PDLIM5: variants seen among roughly 807,000 people sequenced by gnomAD.
PDLIM5 encodes the protein PDZ and LIM domain 5.
A neutral mutation model predicts 64.2 loss-of-function variants in PDLIM5; 34 were observed. The observed-to-expected ratio is 0.53, with a 90% CI of 0.40 to 0.71. The LOEUF (loss-of-function observed/expected upper bound fraction) is 0.71, where lower values mean the gene tolerates loss of function less well. Among genes scored for constraint, PDLIM5 ranks in the 30% least tolerant of loss-of-function variants. The pLI is 0.00. For synonymous variants in PDLIM5, 253 were observed against 269.1 expected, an observed-to-expected ratio of 0.94 and a Z score of 0.59; for missense variants, 683 against 733.6, an observed-to-expected ratio of 0.93 and a Z score of 0.80.
Position 94,523,800 on chromosome 4 carries a change from C to T in PDLIM5, c.173C>T (p.Ala58Val). The change falls in exon 3 of 13, where the codon GCA (alanine) becomes GTA (valine). Residue 58 changes from alanine (A) to valine (V), a missense_variant. Transcript: ENST00000317968. ...DVVLSIDGIN[A>V]QGMTHLEAQN... Reference sequence around the variant, plus strand: ...GTTCTCAGCATTGATGGAATAAATGCACAAGGAATGACTCATCTTGAAGCC... The same window carrying T: ...GTTCTCAGCATTGATGGAATAAATGTACAAGGAATGACTCATCTTGAAGCC... The T allele has an allele frequency of 6.2e-7, 1 of 1,611,420 alleles. No homozygotes were observed. The highest frequency in any genetic ancestry group is 2.2e-5 in the East Asian group (1 of 44,836).
intron 7 of PDLIM5, chr4:94,587,419 G>A (rs746311113): frequency 3.8e-6 from 4 of 1,045,890 alleles, no homozygotes; most frequent in Non-Finnish European, 4.6e-6. Flanking sequence ...GTTGGTTGAA[G>A]CAGAGGATAA....
chr4:94,616,336 C>T (rs886447709), intron 7 of PDLIM5, among the ~76,000 whole-genome samples: 1 of 151,988 alleles, frequency 6.6e-6, no homozygotes, highest in Non-Finnish European at 1.5e-5. Flanking sequence ...ATGTAATTAT[C>T]CTTTTAATAT....
At chr4:94,631,838 C>T (rs571029320) in intron 8 of PDLIM5, among the ~76,000 whole-genome samples, 8 of 152,286 alleles carry the variant, frequency 5.3e-5, no homozygotes, top group South Asian at 4.1e-4. Flanking sequence ...ATTTGCTTTC[C>T]GCCTAAGGAG....
At chr4:94,542,082 T>G (rs1212859149) in intron 3 of PDLIM5, among the ~76,000 whole-genome samples, 1 of 152,002 alleles carries the variant, frequency 6.6e-6, no homozygotes, top group Non-Finnish European at 1.5e-5. Flanking sequence ...AAGGCTGAGG[T>G]GGGCAGATCA....
intron 3 of PDLIM5, among the ~76,000 whole-genome samples, chr4:94,527,169 G>T (rs892302980): frequency 2.9e-5 from 4 of 140,288 alleles, no homozygotes; most frequent in African/African-American, 1.1e-4. Flanking sequence ...CAATTCTCCT[G>T]CCTCAGCCTC....
intron 8 of PDLIM5, among the ~76,000 whole-genome samples, chr4:94,630,589 G>C (rs1293322852): frequency 1.3e-5 from 2 of 152,018 alleles, no homozygotes; most frequent in Non-Finnish European, 1.5e-5. Flanking sequence ...TGTACAGGCT[G>C]GTCTCAAACT....
At chr4:94,481,031 A>G (rs1262857704) in intron 2 of PDLIM5, among the ~76,000 whole-genome samples, 1 of 152,130 alleles carries the variant, frequency 6.6e-6, no homozygotes, top group East Asian at 1.9e-4. Flanking sequence ...TGCTGTGCAT[A>G]TTTCTGCCGG....
intron 9 of PDLIM5, among the ~76,000 whole-genome samples, chr4:94,642,833 A>G (rs147092508): frequency 6.6e-6 from 1 of 152,316 alleles, no homozygotes; most frequent in Non-Finnish European, 1.5e-5. Context: ...TTTAAAAACG[A>G]GCTGTAGTTT....
chr4:94,644,581 A>C (rs1007430430), intron 9 of PDLIM5, among the ~76,000 whole-genome samples: 6 of 150,262 alleles, frequency 4.0e-5, no homozygotes, highest in Non-Finnish European at 7.4e-5. Context: ...GCTGGAGTGC[A>C]GTGGTGCGAT....
intron 3 of PDLIM5, among the ~76,000 whole-genome samples, chr4:94,526,695 A>G (rs980778661): frequency 2.0e-5 from 3 of 151,976 alleles, no homozygotes; most frequent in African/African-American, 7.2e-5. Flanking sequence ...CTCTTATATC[A>G]AAGTAAGTAT....
At chr4:94,636,539 C>CTTTT (rs770256162) in intron 8 of PDLIM5, among the ~76,000 whole-genome samples, 2,717 of 133,762 alleles carry the variant, frequency 0.02, 107 homozygotes, top group East Asian at 0.13. Flanking sequence ...AGAGTTCGTA[C>CTTTT]TTTTTTTTTT....
At chr4:94,512,544 T>A (rs1298951105) in intron 2 of PDLIM5, among the ~76,000 whole-genome samples, 2 of 152,232 alleles carry the variant, frequency 1.3e-5, no homozygotes, top group Non-Finnish European at 2.9e-5. Context: ...CCTTTTCATA[T>A]GCCTGCTTGC....
intron 8 of PDLIM5, among the ~76,000 whole-genome samples, chr4:94,623,674 C>T (rs1739434454): frequency 6.6e-6 from 1 of 151,998 alleles, no homozygotes; most frequent in African/African-American, 2.4e-5. Flanking sequence ...TAAATGTCCC[C>T]GAGAAAGTGA....
chr4:94,470,153 A>G (rs1724733965), intron 2 of PDLIM5, among the ~76,000 whole-genome samples: 1 of 151,614 alleles, frequency 6.6e-6, no homozygotes. Flanking sequence ...TTTTTAGTAG[A>G]GAGGTTTTCA....
chr4:94,480,766 C>T (rs1725777818), intron 2 of PDLIM5, among the ~76,000 whole-genome samples: 1 of 152,158 alleles, frequency 6.6e-6, no homozygotes, highest in South Asian at 2.1e-4. Context: ...ATATAGTTCT[C>T]TGTCATACAG....
intron 3 of PDLIM5, among the ~76,000 whole-genome samples, chr4:94,532,241 G>T (rs1225175932): frequency 6.6e-6 from 1 of 152,108 alleles, no homozygotes; most frequent in Admixed American, 6.5e-5. Context: ...CATTCCAACA[G>T]TTACTACTGT....
chr4:94,665,461 C>T lies in PDLIM5; in HGVS notation c.*1394C>T. 1.3e-6 allele frequency: 1 copy of T among 783,042 alleles called. No homozygotes were observed. The highest frequency in any genetic ancestry group is 1.5e-6 in the Non-Finnish European group (1 of 670,896). 48.5% of individuals were successfully genotyped at this position (783,042 alleles called of 1,614,324 possible). A position where few individuals can be genotyped will look rare whatever the true frequency, so the allele number is the denominator to read the frequency against. ...ACACCACTGCACTCCAGCCTGGTGACAGAGCAAGACTCCGGCTCTTAAAAA... is the reference window on the plus strand; with the variant it reads ...ACACCACTGCACTCCAGCCTGGTGATAGAGCAAGACTCCGGCTCTTAAAAA... On this transcript the variant is annotated 3_prime_UTR_variant, in exon 13 of 13. Coordinates refer to ENST00000317968, the MANE Select transcript of PDLIM5 (RefSeq NM_006457.5).
chr4:94,476,779 G>A (rs557261490), intron 2 of PDLIM5, among the ~76,000 whole-genome samples: 2 of 152,304 alleles, frequency 1.3e-5, no homozygotes, highest in East Asian at 1.9e-4. Context: ...GCCAGCCATC[G>A]TGGGTTCAAA....
intron 2 of PDLIM5, among the ~76,000 whole-genome samples, chr4:94,463,484 A>G (rs888490473): frequency 6.6e-6 from 1 of 152,238 alleles, no homozygotes; most frequent in Non-Finnish European, 1.5e-5. Flanking sequence ...TTTACTGTTC[A>G]TTAAGTGGAA....
Sources: allele counts gnomAD v4.1 joint callset (sites outside exome capture counted in the v4.1 genomes callset), GRCh38; gene constraint gnomAD v4.1.1; transcripts MANE v1.5; gene names NCBI Gene and HGNC (gene_info 2026-07-23, HGNC 2026-07-21).